The following GABRA1 variants were observed in gnomAD, a reference collection of about 807,000 sequenced individuals.
GABRA1 encodes the protein gamma-aminobutyric acid receptor subunit alpha-1.
A neutral mutation model predicts 48.9 loss-of-function variants in GABRA1; 9 were observed. The observed-to-expected ratio is 0.18, with a 90% CI of 0.11 to 0.32. GABRA1 has a LOEUF of 0.32. Ranked by LOEUF, GABRA1 falls within the 10% of genes least tolerant of loss-of-function variation. The probability of loss-of-function intolerance (pLI) is 1.00; values close to 1 mark genes in which losing one functional copy is unlikely to be tolerated. For missense variants in GABRA1, 285 were observed against 553.8 expected, an observed-to-expected ratio of 0.51 and a Z score of 4.87; for synonymous variants, 210 against 198.7, an observed-to-expected ratio of 1.06 and a Z score of -0.48.
chr5:161,849,077 G>A (rs1322327706), intron 1 of GABRA1: 1 of 429,826 alleles, frequency 2.3e-6, no homozygotes, highest in African/African-American at 2.1e-5. Flanking sequence ...GGAGGTTGAA[G>A]GTAGAAAGTG....
At chr5:161,856,949 A>G (rs1452239988) in intron 3 of GABRA1, among the ~76,000 whole-genome samples, 1 of 151,196 alleles carries the variant, frequency 6.6e-6, no homozygotes, top group African/African-American at 2.4e-5. Flanking sequence ...GCAGATTTGA[A>G]GTACTTAATT....
chr5:161,867,732 C>T (rs1003923322), intron 4 of GABRA1, among the ~76,000 whole-genome samples: 3 of 152,016 alleles, frequency 2.0e-5, no homozygotes, highest in Admixed American at 2.0e-4. Flanking sequence ...CAAATACTTC[C>T]GCAGAGGCCC....
intron 2 of GABRA1, among the ~76,000 whole-genome samples, chr5:161,852,453 T>A (rs1757484572): frequency 6.6e-6 from 1 of 152,028 alleles, no homozygotes; most frequent in East Asian, 1.9e-4. Context: ...CAACTTAGGG[T>A]GTTCTAGCAT....
At chr5:161,868,946 T>G (rs897320063) in intron 4 of GABRA1, among the ~76,000 whole-genome samples, 4 of 152,196 alleles carry the variant, frequency 2.6e-5, no homozygotes, top group Admixed American at 2.6e-4. Flanking sequence ...TATTCCCTAT[T>G]GCCTAAAACC....
intron 6 of GABRA1, among the ~76,000 whole-genome samples, chr5:161,881,292 G>C (rs1754602321): frequency 6.6e-6 from 1 of 152,118 alleles, no homozygotes; most frequent in Admixed American, 6.6e-5. Flanking sequence ...AAATAGAAGA[G>C]AGTACGTACT....
At chr5:161,889,462 A>C (rs1754991715) in intron 7 of GABRA1, among the ~76,000 whole-genome samples, 1 of 152,054 alleles carries the variant, frequency 6.6e-6, no homozygotes, top group Admixed American at 6.6e-5. Flanking sequence ...GCTTCCAAAT[A>C]TTAATACATT....
intron 4 of GABRA1, among the ~76,000 whole-genome samples, chr5:161,868,031 T>A (rs1199222994): frequency 1.3e-5 from 2 of 150,818 alleles, no homozygotes. Flanking sequence ...GTGATAGGTT[T>A]AGGAGCCTAT....
Position 161,882,676 on chromosome 5 carries a change from C to T in GABRA1, c.678C>T (p.Asp226=), listed in dbSNP as rs1256763720. The part of the protein sequence containing the change: ...NQYDLLGQTV[D]SGIVQSSTGE... ...ATGACCTTCTTGGACAAACAGTAGA[C>T]TCTGGAATTGTCCAGTCAAGTACAG... Residue 226 remains aspartate, a synonymous_variant, in exon 7 of 10, where the codon GAC becomes GAT. Transcript: ENST00000393943. 6.2e-7 allele frequency: 1 copy of T among 1,613,512 alleles called. No individual in the cohort carries two copies.
At chr5:161,882,776 C>T in intron 7 of GABRA1, 75 bp downstream of exon 7, 2 of 1,373,924 alleles carry the variant, frequency 1.5e-6, no homozygotes, top group Non-Finnish European at 2.1e-6. Context: ...ATGAATCATT[C>T]AGTAACACAA....
At chr5:161,867,487 C>T (rs961418721) in intron 4 of GABRA1, among the ~76,000 whole-genome samples, 2 of 152,144 alleles carry the variant, frequency 1.3e-5, no homozygotes. Context: ...CCATCAGCAG[C>T]AGCATGACCT....
intron 7 of GABRA1, 94 bp downstream of exon 7, chr5:161,882,795 G>C: frequency 1.6e-6 from 2 of 1,265,466 alleles, no homozygotes; most frequent in South Asian, 1.2e-5. Context: ...AAGTCTAGGA[G>C]AGAGAACATT....
intron 3 of GABRA1, among the ~76,000 whole-genome samples, chr5:161,862,918 C>T (rs1474751961): frequency 2.6e-5 from 4 of 151,796 alleles, no homozygotes; most frequent in Non-Finnish European, 5.9e-5. Flanking sequence ...AGCTTGTTCT[C>T]GAGAAAAATC....
At chr5:161,887,911 G>A (rs868206307) in intron 7 of GABRA1, among the ~76,000 whole-genome samples, 2 of 151,990 alleles carry the variant, frequency 1.3e-5, no homozygotes, top group East Asian at 1.9e-4. Context: ...TGGACAAATC[G>A]GGAAACTGTA....
At chr5:161,877,653 G>A (rs1049325670) in intron 6 of GABRA1, among the ~76,000 whole-genome samples, 1 of 152,156 alleles carries the variant, frequency 6.6e-6, no homozygotes, top group African/African-American at 2.4e-5. Flanking sequence ...AATGATATTT[G>A]CAAAGAAGGC....
chr5:161,847,502 C>T (rs1274846782), upstream of GABRA1: 1 of 152,178 alleles, frequency 6.6e-6, no homozygotes, highest in Non-Finnish European at 1.5e-5. Flanking sequence ...TCTTGCTGTC[C>T]TCTAAGCTAC....
chr5:161,879,321 A>AC (rs1433700347), intron 6 of GABRA1, among the ~76,000 whole-genome samples: 3 of 152,126 alleles, frequency 2.0e-5, no homozygotes, highest in Non-Finnish European at 4.4e-5. Flanking sequence ...CATTTTGCCC[A>AC]CACTGGTCTC....
At chr5:161,849,525 A>G (rs759479846) in intron 1 of GABRA1, among the ~76,000 whole-genome samples, 2 of 152,176 alleles carry the variant, frequency 1.3e-5, no homozygotes, top group Non-Finnish European at 2.9e-5. Flanking sequence ...CTCTAAACAT[A>G]TTATGTTTCA....
At position 161,865,799 on chromosome 5, in the gene GABRA1, A is replaced by C. The variant is rs1255262576; in HGVS notation, c.255+11A>C. ...TCAGACCATGATATGGTAAGTGGAC[A>C]CTTTATCTTTGCTTTTCTTGAAGAA... On this transcript the variant is annotated intron_variant, in intron 4 of 9. Coordinates refer to ENST00000393943, the MANE Select transcript of GABRA1 (RefSeq NM_001127644.2). 6.2e-7 allele frequency: 1 copy of C among 1,606,460 alleles called. No homozygotes were observed. Among genetic ancestry groups the C allele is most frequent in the Admixed American group, 1.7e-5 (1 of 59,936 alleles).
In GABRA1 at chr5:161,873,437, T is replaced by A. The variant is rs140833668; in HGVS notation, c.476+100T>A. ...TGATGAGCCATGGTGGAATATTTGC[T>A]TCCTTGTTTTTCAACCTTAACAATC... On this transcript the variant is annotated intron_variant, in intron 5 of 9. Transcript: ENST00000393943. The A allele has an allele frequency of 2.3e-3, 2,160 of 948,658 alleles. 4 individuals are homozygous for A. The highest frequency in any genetic ancestry group is 2.9e-3 in the Non-Finnish European group (1,726 of 595,084). 58.8% of individuals were successfully genotyped at this position (948,658 alleles called of 1,614,324 possible). A position where few individuals can be genotyped will look rare whatever the true frequency, so the allele number is the denominator to read the frequency against.
Sources: gnomAD v4.1 joint callset for allele counts (sites outside exome capture counted in the v4.1 genomes callset) on GRCh38, gnomAD v4.1.1 for gene constraint, MANE v1.5 for transcripts, NCBI Gene and HGNC (gene_info 2026-07-23, HGNC 2026-07-21) for gene names.